ARID5B: variants seen among roughly 807,000 people sequenced by gnomAD.
The protein encoded by ARID5B is AT-rich interactive domain-containing protein 5B.
A neutral mutation model predicts 97.2 loss-of-function variants in ARID5B; 13 were observed. That is an observed-to-expected ratio of 0.13 (90% CI 0.09 to 0.21). The LOEUF is 0.21. Ranked by LOEUF, ARID5B falls within the 10% of genes least tolerant of loss-of-function variation. The probability of loss-of-function intolerance (pLI) is 1.00; values close to 1 mark genes in which losing one functional copy is unlikely to be tolerated. For synonymous variants in ARID5B, 556 were observed against 570.3 expected (o/e 0.97, Z 0.36); for missense variants, 1,210 against 1,465.3 (o/e 0.83, Z 2.84).
chr10:62,011,922 A>G (rs140701788), intron 4 of ARID5B, among the ~76,000 whole-genome samples: 3,311 of 152,248 alleles, frequency 0.022, 31 homozygotes, highest in Non-Finnish European at 0.026. Flanking sequence ...GATTATATAC[A>G]GCAAACCCTA....
chr10:62,012,636 C>T (rs556547856), intron 4 of ARID5B, among the ~76,000 whole-genome samples: 1 of 152,206 alleles, frequency 6.6e-6, no homozygotes, highest in Admixed American at 6.5e-5. Flanking sequence ...AGCTGGTATG[C>T]TTATCTACTC....
At chr10:62,045,731 AG>A (rs1281283320) in intron 4 of ARID5B, among the ~76,000 whole-genome samples, 1 of 152,194 alleles carries the variant, frequency 6.6e-6, no homozygotes, top group Non-Finnish European at 1.5e-5. Flanking sequence ...CAGTATTTTA[AG>A]ATTATTGTCT....
intron 3 of ARID5B, among the ~76,000 whole-genome samples, chr10:61,974,988 G>A (rs563315726): frequency 6.6e-6 from 1 of 151,610 alleles, no homozygotes; most frequent in Non-Finnish European, 1.5e-5. Flanking sequence ...TAATAGCATT[G>A]TTGGTAGGCT....
chr10:61,931,733 T>A (rs1844213619), intron 2 of ARID5B, among the ~76,000 whole-genome samples: 1 of 152,202 alleles, frequency 6.6e-6, no homozygotes, highest in African/African-American at 2.4e-5. Context: ...CTGAAGAAGA[T>A]GTTTGACATC....
At chr10:61,982,805 T>C (rs998252138) in intron 3 of ARID5B, among the ~76,000 whole-genome samples, 1 of 152,224 alleles carries the variant, frequency 6.6e-6, no homozygotes, top group African/African-American at 2.4e-5. Context: ...TTGTTCTCCT[T>C]ATTGTACATA....
intron 3 of ARID5B, among the ~76,000 whole-genome samples, chr10:61,991,053 C>CACACACACACAG (rs1373462904): frequency 6.6e-6 from 1 of 151,346 alleles, no homozygotes; most frequent in Non-Finnish European, 1.5e-5. Flanking sequence ...CACACACACA[C>CACACACACACAG]ACACACACAC....
At chr10:61,930,765 C>G (rs1173864874) in intron 2 of ARID5B, among the ~76,000 whole-genome samples, 1 of 82,102 alleles carries the variant, frequency 1.2e-5, no homozygotes, top group Non-Finnish European at 2.8e-5. Context: ...TACAGGTTCT[C>G]TATGCTCAGG....
chr10:61,941,800 A>C (rs1844415540), intron 3 of ARID5B, among the ~76,000 whole-genome samples: 1 of 152,198 alleles, frequency 6.6e-6, no homozygotes, highest in Non-Finnish European at 1.5e-5. Flanking sequence ...TTATTAGACT[A>C]GTGGTTTTCC....
chr10:61,925,723 G>A (rs1342695771), intron 2 of ARID5B, among the ~76,000 whole-genome samples: 1 of 152,218 alleles, frequency 6.6e-6, no homozygotes, highest in Non-Finnish European at 1.5e-5. Flanking sequence ...ACTTTCTCTG[G>A]AGATGGTCAG....
chr10:61,940,629 G>C lies in ARID5B; in HGVS notation c.502+221G>C, dbSNP rs377287238. 8.6e-5 allele frequency among the ~76,000 whole-genome samples: 13 copies of C among 151,954 alleles called. No individual in the cohort carries two copies. The East Asian group carries it at 1.9e-3, about 23-fold the overall frequency. ...CTTTTATGTATGGACCCTTGTGCTG[G>C]GGTGATACAGTGGTTCTAAACAATT... On this transcript the variant is annotated intron_variant, in intron 3 of 9. Transcript: ENST00000279873.
intron 7 of ARID5B, among the ~76,000 whole-genome samples, chr10:62,061,319 T>C (rs1201536991): frequency 6.6e-6 from 1 of 152,188 alleles, no homozygotes; most frequent in East Asian, 1.9e-4. Flanking sequence ...AATTTAGACA[T>C]GAATGATGGA....
intron 4 of ARID5B, chr10:62,049,218 T>A (rs905588673): frequency 7.4e-7 from 1 of 1,357,966 alleles, no homozygotes. Flanking sequence ...AGCAGAGCCC[T>A]CCCTGCCAGT....
chr10:62,071,424 A>G (rs1840063232), intron 8 of ARID5B, among the ~76,000 whole-genome samples: 1 of 152,146 alleles, frequency 6.6e-6, no homozygotes. Context: ...AAATGCCCTC[A>G]ACACCTGAAC....
intron 8 of ARID5B, among the ~76,000 whole-genome samples, chr10:62,077,103 T>C (rs539456526): frequency 1.3e-5 from 2 of 152,314 alleles, no homozygotes; most frequent in Admixed American, 1.3e-4. Context: ...CTTACAGGGC[T>C]CTGAGTCAGT....
chr10:61,921,037 T>G (rs1156951487), intron 2 of ARID5B, among the ~76,000 whole-genome samples: 1 of 152,272 alleles, frequency 6.6e-6, no homozygotes, highest in Non-Finnish European at 1.5e-5. Flanking sequence ...ACTATTGGTT[T>G]GTCGTCAACT....
chr10:61,988,155 C>T (rs74914138), intron 3 of ARID5B, among the ~76,000 whole-genome samples: 6,068 of 152,216 alleles, frequency 0.04, 184 homozygotes, highest in African/African-American at 0.084. Flanking sequence ...TAGAAGGTGC[C>T]GGAGTTTTTA....
chr10:61,903,570 G>T (rs1050418585), intron 2 of ARID5B, among the ~76,000 whole-genome samples: 28 of 152,358 alleles, frequency 1.8e-4, no homozygotes, highest in African/African-American at 6.0e-4. Context: ...CGAGAGCAGG[G>T]TAATCAAACA....
chr10:62,042,025 T>G (rs1227995192), intron 4 of ARID5B, among the ~76,000 whole-genome samples: 2 of 152,056 alleles, frequency 1.3e-5, no homozygotes, highest in Non-Finnish European at 2.9e-5. Flanking sequence ...GTTTAAGAGG[T>G]TCTATCTGTA....
At chr10:62,045,503 T>A (rs1309576812) in intron 4 of ARID5B, among the ~76,000 whole-genome samples, 1 of 150,280 alleles carries the variant, frequency 6.7e-6, no homozygotes, top group African/African-American at 2.5e-5. Context: ...CAGGCTGGAG[T>A]GCAGTGGTGC....
Sources: allele counts gnomAD v4.1 joint callset (sites outside exome capture counted in the v4.1 genomes callset), GRCh38; gene constraint gnomAD v4.1.1; transcripts MANE v1.5; gene names NCBI Gene and HGNC (gene_info 2026-07-23, HGNC 2026-07-21).